The following LMCD1 variants were observed in gnomAD, a reference collection of about 807,000 sequenced individuals.
LMCD1 encodes the protein LIM and cysteine rich domains 1, also known as LIM and cysteine-rich domains protein 1.
Under a neutral mutation model 42.7 loss-of-function variants are expected in LMCD1, and 32 were observed. The observed-to-expected ratio is 0.75, with a 90% confidence interval of 0.57 to 1.01. The LOEUF is 1.01. Among genes scored for constraint, LMCD1 ranks in the 50% least tolerant of loss-of-function variants. The pLI is 0.00. For missense variants in LMCD1, 458 were observed against 483.1 expected (o/e 0.95, Z 0.49); for synonymous variants, 178 against 184.9 (o/e 0.96, Z 0.30).
rs149803661 is a variant in LMCD1 at position 8,547,964 on chromosome 3, T to C, written c.388-604T>C. On this transcript the variant is annotated intron_variant, in intron 3 of 5. Coordinates refer to ENST00000157600, the MANE Select transcript of LMCD1 (RefSeq NM_014583.4). ...CGCATCTAGGCTACGCAGTATAGCCTATTGCTCCTAGGCCACAAATTGTAC... is the reference window on the plus strand; with the variant it reads ...CGCATCTAGGCTACGCAGTATAGCCCATTGCTCCTAGGCCACAAATTGTAC... 6.7e-3 allele frequency among the ~76,000 whole-genome samples: 1,016 copies of C among 152,316 alleles called. 13 individuals are homozygous for C. Among genetic ancestry groups the C allele is most frequent in the African/African-American group, 0.023 (946 of 41,562 alleles).
At chr3:8,556,258 AAC>A (rs1303575459) in intron 4 of LMCD1, among the ~76,000 whole-genome samples, 1 of 152,204 alleles carries the variant, frequency 6.6e-6, no homozygotes, top group Non-Finnish European at 1.5e-5. Context: ...AGCAAAGTTA[AAC>A]AGTGTTTTCA....
intron 3 of LMCD1, among the ~76,000 whole-genome samples, chr3:8,541,056 G>GA (rs1559352444): frequency 6.6e-6 from 1 of 152,166 alleles, no homozygotes; most frequent in Non-Finnish European, 1.5e-5. Context: ...GCCAGCAGAA[G>GA]AATCAGGAAG....
At position 8,502,314 on chromosome 3, in the gene LMCD1, A is replaced by T. The variant is rs867915887; in HGVS notation, c.42+334A>T. On this transcript the variant is annotated intron_variant, in intron 1 of 5. Transcript: ENST00000157600. ...ATATATATTATATATAATATATAAA[A>T]TATATATTATATATAATATATATTA... Among the ~76,000 whole-genome samples, 3 of 14,482 alleles carry T rather than the reference A, an allele frequency of 2.1e-4. 1 individual carries two copies. Among genetic ancestry groups the T allele is most frequent in the Non-Finnish European group, 4.2e-4 (3 of 7,110 alleles). The allele number at this position is 14,482 out of a possible 152,430, so 9.5% of individuals were successfully genotyped here. A position where few individuals can be genotyped will look rare whatever the true frequency, so the allele number is the denominator to read the frequency against.
chr3:8,540,596 G>T (rs1327166588), intron 3 of LMCD1, among the ~76,000 whole-genome samples: 5 of 152,236 alleles, frequency 3.3e-5, no homozygotes, highest in Non-Finnish European at 7.3e-5. Flanking sequence ...AGGCGAACTG[G>T]CAGGTGGGAG....
Position 8,509,366 on chromosome 3 carries a change from A to G in LMCD1, c.42+7386A>G, listed in dbSNP as rs138521173. On this transcript the variant is annotated intron_variant, in intron 1 of 5. Transcript: ENST00000157600. ...TTGCAAAATCATGAGAATAGCCACA[A>G]TTCGTCTTGGGTGTTTGGTCGCTAC... 3.9e-5 allele frequency among the ~76,000 whole-genome samples: 6 copies of G among 152,214 alleles called. No homozygotes were observed. The East Asian group carries it at 9.7e-4, about 24-fold the overall frequency.
At position 8,548,760 on chromosome 3, in the gene LMCD1, C is replaced by G; in HGVS notation, c.580C>G (p.Leu194Val). The G allele has an allele frequency of 6.2e-7, 1 of 1,613,386 alleles. No individual in the cohort carries two copies. The highest frequency in any genetic ancestry group is 8.5e-7 in the Non-Finnish European group (1 of 1,179,394). ...TGTCAAGCAATATAAGAGCGAGGCC[C>G]TCGGCGTGGGAGAAGTGGCCCTCCC... ...EFVKQYKSEA[L>V]GVGEVALPGQ... The change falls in exon 4 of 6, where the codon CTC becomes GTC. Residue 194 changes from leucine to valine, a missense_variant. Coordinates refer to ENST00000157600, the MANE Select transcript of LMCD1 (RefSeq NM_014583.4).
intron 1 of LMCD1, among the ~76,000 whole-genome samples, chr3:8,519,750 AAAAAG>A (rs1423346965): frequency 4.0e-5 from 6 of 151,644 alleles, no homozygotes; most frequent in Admixed American, 1.3e-4. Context: ...GCAAAAAAAA[AAAAAG>A]AAAAGAAAAG....
chr3:8,533,801 C>A (rs1384417237), intron 2 of LMCD1, among the ~76,000 whole-genome samples: 4 of 152,074 alleles, frequency 2.6e-5, no homozygotes, highest in Non-Finnish European at 4.4e-5. Context: ...CTCAGATCTG[C>A]ATGAATCCCA....
chr3:8,561,439 T>G (rs1422631564), intron 4 of LMCD1, among the ~76,000 whole-genome samples: 3 of 152,196 alleles, frequency 2.0e-5, no homozygotes, highest in Non-Finnish European at 2.9e-5. Context: ...AAGGGGTTCT[T>G]TCTTGGGAGA....
chr3:8,531,486 A>T (rs1559349656), intron 1 of LMCD1, among the ~76,000 whole-genome samples: 1 of 152,302 alleles, frequency 6.6e-6, no homozygotes, highest in Non-Finnish European at 1.5e-5. Context: ...CCTGCACGTT[A>T]CTATATTATC....
chr3:8,567,852 T>C lies in LMCD1; in HGVS notation c.*254T>C. The stretch of plus-strand genomic sequence containing the variant: ...CTTAGGATGGAGTTCCTTTTCTTTC[T>C]GTTGTTGTTTCCCAGCTACAACCAA... On this transcript the variant is annotated 3_prime_UTR_variant, in exon 6 of 6. Coordinates refer to ENST00000157600, the MANE Select transcript of LMCD1 (RefSeq NM_014583.4). The C allele has an allele frequency of 3.6e-6, 1 of 278,054 alleles. No homozygotes were observed. Among genetic ancestry groups the C allele is most frequent in the Non-Finnish European group, 6.6e-6 (1 of 151,050 alleles). 17.2% of individuals were successfully genotyped at this position (278,054 alleles called of 1,614,324 possible).
At chr3:8,515,755 G>A (rs1232514439) in intron 1 of LMCD1, among the ~76,000 whole-genome samples, 3 of 152,072 alleles carry the variant, frequency 2.0e-5, no homozygotes, top group East Asian at 1.9e-4. Context: ...GAATTCTGAG[G>A]GGTTAGAAAG....
chr3:8,532,419 G>T (rs373563688), intron 1 of LMCD1, among the ~76,000 whole-genome samples: 47 of 152,210 alleles, frequency 3.1e-4, no homozygotes, highest in African/African-American at 1.1e-3. Context: ...GGATGGAATA[G>T]ATAGATGGTC....
At position 8,565,466 on chromosome 3, in the gene LMCD1, A is replaced by G. The variant is rs1374391816; in HGVS notation, c.758A>G (p.Asp253Gly). 1 of 1,614,168 alleles carries G rather than the reference A, an allele frequency of 6.2e-7. No individual in the cohort carries two copies. The highest frequency in any genetic ancestry group is 1.3e-5 in the African/African-American group (1 of 75,036). ...CTCTGCAAGGGAGCGGCCCCTCCTG[A>G]CAGCCCCGTGGTCTACTCGGACAGG... Reference protein sequence around the residue: ...CELCKGAAPPDSPVVYSDRAG... With the variant: ...CELCKGAAPPGSPVVYSDRAG... Residue 253 changes from aspartate to glycine, a missense_variant, in exon 5 of 6, where the codon GAC (aspartate) becomes GGC (glycine). By Grantham distance (94) the Asp-to-Gly change is moderately conservative (BLOSUM62 -1). Transcript: ENST00000157600.
intron 3 of LMCD1, among the ~76,000 whole-genome samples, chr3:8,541,813 G>A (rs1043794986): frequency 1.3e-5 from 2 of 152,038 alleles, no homozygotes; most frequent in African/African-American, 4.8e-5. Flanking sequence ...TCCCAAGTCC[G>A]TGCCAGTCAA....
chr3:8,512,211 A>C (rs1269771634), intron 1 of LMCD1, among the ~76,000 whole-genome samples: 1 of 152,228 alleles, frequency 6.6e-6, no homozygotes, highest in Non-Finnish European at 1.5e-5. Flanking sequence ...GCAAACCAGC[A>C]TTCTGAAATA....
At chr3:8,539,836 T>C (rs928453791) in intron 3 of LMCD1, among the ~76,000 whole-genome samples, 2 of 148,074 alleles carry the variant, frequency 1.4e-5, no homozygotes, top group African/African-American at 5.0e-5. Context: ...TTATTATTAT[T>C]ATTGTACTTT....
At chr3:8,543,720 G>C (rs1694680940) in intron 3 of LMCD1, among the ~76,000 whole-genome samples, 1 of 152,158 alleles carries the variant, frequency 6.6e-6, no homozygotes, top group East Asian at 1.9e-4. Flanking sequence ...TCCTGTGTCA[G>C]CCTTGGAAGT....
intron 1 of LMCD1, among the ~76,000 whole-genome samples, chr3:8,503,486 G>A (rs1693809507): frequency 6.6e-6 from 1 of 152,176 alleles, no homozygotes; most frequent in African/African-American, 2.4e-5. Flanking sequence ...TAGACTCTTA[G>A]AAGATACCTA....
Sources: allele counts gnomAD v4.1 joint callset (sites outside exome capture counted in the v4.1 genomes callset), GRCh38; gene constraint gnomAD v4.1.1; transcripts MANE v1.5; gene names NCBI Gene and HGNC (gene_info 2026-07-23, HGNC 2026-07-21).